The following STYX variants were observed in gnomAD, a reference collection of about 807,000 sequenced individuals.
STYX encodes serine/threonine/tyrosine-interacting protein.
STYX carries 20 observed loss-of-function variants against 42.7 expected under a neutral mutation model. The ratio of observed to expected loss-of-function variants is 0.47; its 90% CI spans 0.33 to 0.68. STYX has a LOEUF of 0.68. Ranked by LOEUF, STYX falls within the 30% of genes least tolerant of loss-of-function variation. The pLI is 0.02. For missense variants in STYX, 226 were observed against 268.5 expected, an observed-to-expected ratio of 0.84 and a Z score of 1.11; for synonymous variants, 78 against 81.9, an observed-to-expected ratio of 0.95 and a Z score of 0.26.
intron 4 of STYX, among the ~76,000 whole-genome samples, chr14:52,754,295 C>T (rs1185630130): frequency 6.6e-6 from 1 of 151,962 alleles, no homozygotes; most frequent in Non-Finnish European, 1.5e-5. Flanking sequence ...TCATTGTAGC[C>T]TTGACCTCCC....
intron 1 of STYX, among the ~76,000 whole-genome samples, chr14:52,742,332 G>A (rs762871336): frequency 5.3e-5 from 8 of 152,104 alleles, no homozygotes; most frequent in Admixed American, 1.3e-4. Flanking sequence ...ATCTGAGTTC[G>A]ACTTTGAGCA....
chr14:52,755,389 C>G (rs1881823389), intron 4 of STYX, among the ~76,000 whole-genome samples: 1 of 152,094 alleles, frequency 6.6e-6, no homozygotes, highest in African/African-American at 2.4e-5. Flanking sequence ...TCCCCAAGTG[C>G]TGGGATTACA....
intron 4 of STYX, among the ~76,000 whole-genome samples, chr14:52,755,685 T>TG (rs1284294365): frequency 1.4e-5 from 2 of 147,118 alleles, no homozygotes; most frequent in South Asian, 2.1e-4. Flanking sequence ...CTCAGCTAGT[T>TG]TTTTTTTTTT....
chr14:52,769,559 T>A (rs1882435430), intron 10 of STYX, among the ~76,000 whole-genome samples: 1 of 152,158 alleles, frequency 6.6e-6, no homozygotes, highest in South Asian at 2.1e-4. Context: ...TCCACAAGTA[T>A]AGAACTCTTT....
intron 1 of STYX, among the ~76,000 whole-genome samples, chr14:52,737,727 G>A (rs1881012478): frequency 6.6e-6 from 1 of 152,200 alleles, no homozygotes; most frequent in African/African-American, 2.4e-5. Context: ...CGGATGTGTG[G>A]TAGAAGAAGA....
intron 1 of STYX, among the ~76,000 whole-genome samples, chr14:52,736,445 T>A (rs1880954641): frequency 6.6e-6 from 1 of 152,238 alleles, no homozygotes; most frequent in African/African-American, 2.4e-5. Context: ...TACCAATTTT[T>A]AAGCAAATTG....
intron 1 of STYX, chr14:52,731,504 CT>C (rs1389541444): frequency 7.3e-6 from 1 of 137,152 alleles, no homozygotes; most frequent in Non-Finnish European, 1.5e-5. Flanking sequence ...GTGGCGCGAT[CT>C]CGGCTCACTG....
chr14:52,750,131 C>T (rs1329659750), intron 3 of STYX, among the ~76,000 whole-genome samples: 1 of 152,098 alleles, frequency 6.6e-6, no homozygotes, highest in Non-Finnish European at 1.5e-5. Flanking sequence ...TTGAAGTTGC[C>T]ATTTTTAACT....
In STYX at chr14:52,771,301, T is replaced by C; in HGVS notation, c.*195T>C. On this transcript the variant is annotated 3_prime_UTR_variant, in exon 11 of 11. Coordinates refer to ENST00000354586, the MANE Select transcript of STYX (RefSeq NM_145251.4). ...TCTGCAATAGATGACACTGATGGTT[T>C]TACTCCTTTTTTTAAAAACACATGC... 2.0e-6 allele frequency: 1 copy of C among 495,542 alleles called. No individual in the cohort carries two copies. Among genetic ancestry groups the C allele is most frequent in the East Asian group, 3.1e-5 (1 of 32,544 alleles). The allele number at this position is 495,542 out of a possible 1,614,324, so 30.7% of individuals were successfully genotyped here. A position where few individuals can be genotyped will look rare whatever the true frequency, so the allele number is the denominator to read the frequency against.
Position 52,730,335 on chromosome 14 carries a change from G to A in STYX, c.-140G>A. On this transcript the variant is annotated 5_prime_UTR_variant, in exon 1 of 11. It adds an upstream start codon to the 5' untranslated region. Coordinates refer to ENST00000354586, the MANE Select transcript of STYX (RefSeq NM_145251.4). ...GTCACTGGGACCCTGTAGTCTGCGT[G>A]TGTTAGTTGTAATCCCGCCGCCCTC... The A allele has an allele frequency of 1.3e-6, 1 of 777,744 alleles. No individual in the cohort carries two copies. The highest frequency in any genetic ancestry group is 2.2e-6 in the Non-Finnish European group (1 of 460,480). The allele number at this position is 777,744 out of a possible 1,614,324, so 48.2% of individuals were successfully genotyped here.
At chr14:52,769,885 T>C (rs1314676967) in intron 10 of STYX, among the ~76,000 whole-genome samples, 5 of 152,248 alleles carry the variant, frequency 3.3e-5, no homozygotes, top group Admixed American at 6.5e-5. Context: ...CAAAGCCTCC[T>C]TTGGCTTCAT....
chr14:52,769,207 G>A (rs1882421789), intron 10 of STYX, among the ~76,000 whole-genome samples: 1 of 151,978 alleles, frequency 6.6e-6, no homozygotes, highest in Non-Finnish European at 1.5e-5. Flanking sequence ...AAAAGTAGAG[G>A]GCGGTTAATA....
intron 4 of STYX, among the ~76,000 whole-genome samples, chr14:52,754,266 G>T: frequency 6.6e-6 from 1 of 151,052 alleles, no homozygotes; most frequent in Non-Finnish European, 1.5e-5. Context: ...AGCCTGGATT[G>T]CATTGGCATG....
At chr14:52,741,351 C>T (rs951188375) in intron 1 of STYX, among the ~76,000 whole-genome samples, 10 of 152,022 alleles carry the variant, frequency 6.6e-5, no homozygotes, top group African/African-American at 2.2e-4. Flanking sequence ...TGCTCCACAT[C>T]ATCACCAGCA....
At chr14:52,741,055 A>G (rs566932067) in intron 1 of STYX, among the ~76,000 whole-genome samples, 72 of 152,176 alleles carry the variant, frequency 4.7e-4, no homozygotes, top group African/African-American at 1.6e-3. Context: ...AAATTCATCC[A>G]TGTTGTTGTG....
chr14:52,759,696 A>T lies in STYX; in HGVS notation c.446A>T (p.Tyr149Phe). Residue 149 changes from tyrosine (Y) to phenylalanine (F), a missense_variant, in exon 9 of 11, where the codon TAT becomes TTT. Transcript: ENST00000354586. Reference protein sequence around the residue: ...FGMKYRDAFAYVQERRFCINP... With the variant: ...FGMKYRDAFAFVQERRFCINP... ...TCTGTTTTCAGAGATGCTTTTGCTTATGTTCAAGAAAGAAGATTTTGTATT... is the reference window on the plus strand; with the variant it reads ...TCTGTTTTCAGAGATGCTTTTGCTTTTGTTCAAGAAAGAAGATTTTGTATT... The T allele has an allele frequency of 6.2e-7, 1 of 1,607,986 alleles. No individual in the cohort carries two copies. The highest frequency in any genetic ancestry group is 8.5e-7 in the Non-Finnish European group (1 of 1,176,212).
chr14:52,766,965 A>G (rs1882326351), intron 9 of STYX, among the ~76,000 whole-genome samples: 1 of 152,168 alleles, frequency 6.6e-6, no homozygotes, highest in South Asian at 2.1e-4. Context: ...AGAGAACAAA[A>G]CAGACAATAA....
At chr14:52,755,651 T>C (rs1020818524) in intron 4 of STYX, among the ~76,000 whole-genome samples, 4 of 151,798 alleles carry the variant, frequency 2.6e-5, no homozygotes, top group Non-Finnish European at 5.9e-5. Flanking sequence ...TTTTGTAAAG[T>C]GTAAAATTCA....
chr14:52,746,823 A>G (rs1881412872), intron 3 of STYX, among the ~76,000 whole-genome samples: 1 of 152,248 alleles, frequency 6.6e-6, no homozygotes, highest in Non-Finnish European at 1.5e-5. Flanking sequence ...GTTAAAGCCC[A>G]AAATAAGGAA....
Sources: gnomAD v4.1 joint callset for allele counts (sites outside exome capture counted in the v4.1 genomes callset) on GRCh38, gnomAD v4.1.1 for gene constraint, MANE v1.5 for transcripts, NCBI Gene and HGNC (gene_info 2026-07-23, HGNC 2026-07-21) for gene names.